Variants in ARHGAP29 observed in about 807,000 individuals in gnomAD.
ARHGAP29 encodes Rho GTPase activating protein 29, also known as rho GTPase-activating protein 29.
ARHGAP29 carries 43 observed loss-of-function variants against 122.6 expected under a neutral mutation model. The ratio of observed to expected loss-of-function variants is 0.35; its 90% CI spans 0.27 to 0.45. ARHGAP29 has a LOEUF of 0.45. Ranked by LOEUF, ARHGAP29 falls within the 20% of genes least tolerant of loss-of-function variation. ARHGAP29 has a pLI of 1.00. For missense variants in ARHGAP29, 1,303 were observed against 1,477.2 expected, an observed-to-expected ratio of 0.88 and a Z score of 1.93; for synonymous variants, 506 against 497.1, an observed-to-expected ratio of 1.02 and a Z score of -0.24.
At chr1:94,241,384 G>A (rs150359338), upstream of ARHGAP29, among the ~76,000 whole-genome samples, 1,387 of 152,222 alleles carry the variant, frequency 9.1e-3, 20 homozygotes, top group African/African-American at 0.031. Flanking sequence ...GGGAGGCCGA[G>A]GCGGGCGGAT....
At chr1:94,204,564 A>C (rs774081500) in intron 7 of ARHGAP29, among the ~76,000 whole-genome samples, 4 of 149,772 alleles carry the variant, frequency 2.7e-5, no homozygotes, top group African/African-American at 5.1e-5. Flanking sequence ...TGACCTTAAG[A>C]AATCTCCTGT....
At chr1:94,310,335 G>A in the ARHGAP29 span, among the ~76,000 whole-genome samples, 3 of 152,304 alleles carry the variant, frequency 2.0e-5, no homozygotes, top group East Asian at 1.9e-4. Flanking sequence ...TCTACGGCCC[G>A]GGAAGATGGG....
At chr1:94,238,988 G>A (rs1653465622), upstream of ARHGAP29, among the ~76,000 whole-genome samples, 1 of 152,160 alleles carries the variant, frequency 6.6e-6, no homozygotes, top group South Asian at 2.1e-4. Flanking sequence ...TCAGCTCCTT[G>A]GTTACTTTGG....
At chr1:94,180,035 G>A (rs1207346719) in intron 19 of ARHGAP29, 78 bp from the exon 20 acceptor site, 2 of 960,710 alleles carry the variant, frequency 2.1e-6, no homozygotes, top group African/African-American at 3.3e-5. Flanking sequence ...CAGTTACAGA[G>A]TGATTTAGCA....
At chr1:94,269,413 A>G (rs1654905268) in intron 1 of ARHGAP29, among the ~76,000 whole-genome samples, 2 of 152,218 alleles carry the variant, frequency 1.3e-5, no homozygotes, top group African/African-American at 4.8e-5. Flanking sequence ...GAACACAAGC[A>G]GTTAGGAGAT....
intron 5 of ARHGAP29, among the ~76,000 whole-genome samples, chr1:94,206,253 TTAAC>T (rs1187461419): frequency 6.6e-6 from 1 of 152,166 alleles, no homozygotes; most frequent in East Asian, 1.9e-4. Flanking sequence ...TTAATTTTAT[TTAAC>T]TATTATAATT....
At chr1:94,279,742 A>G (rs1179198934), upstream of ARHGAP29, among the ~76,000 whole-genome samples, 1 of 152,148 alleles carries the variant, frequency 6.6e-6, no homozygotes, top group African/African-American at 2.4e-5. Flanking sequence ...CTCTACACCC[A>G]TTCCCACTCC....
At chr1:94,255,662 G>A (rs1240497811) in intron 1 of ARHGAP29, among the ~76,000 whole-genome samples, 1 of 152,170 alleles carries the variant, frequency 6.6e-6, no homozygotes. Flanking sequence ...CCAGGATAAG[G>A]CATCACATCC....
In ARHGAP29 at chr1:94,179,807, G is replaced by A. The variant is rs1239187493; in HGVS notation, c.2398C>T (p.Leu800Phe). Residue 800 changes from leucine (L) to phenylalanine (F), a missense_variant, in exon 20 of 23, where the codon CTT (leucine) becomes TTT (phenylalanine). Transcript: ENST00000260526. ...PNMCIEINRI[L>F]LKSKDLLRQL... ...CTTAGAAGGTCTTTGCTTTTTAGAA[G>A]AATTCGGTTTATTTCTATACACATA... The A allele has an allele frequency of 6.2e-7, 1 of 1,613,484 alleles. No individual in the cohort carries two copies. The highest frequency in any genetic ancestry group is 8.5e-7 in the Non-Finnish European group (1 of 1,179,718).
chr1:94,231,130 A>G (rs1396542934), intron 2 of ARHGAP29, among the ~76,000 whole-genome samples: 2 of 152,018 alleles, frequency 1.3e-5, no homozygotes, highest in African/African-American at 2.4e-5. Flanking sequence ...AATGATGTCA[A>G]ATTTTCCTAC....
At chr1:94,273,772 C>T (rs551783551) in intron 1 of ARHGAP29, among the ~76,000 whole-genome samples, 2 of 150,550 alleles carry the variant, frequency 1.3e-5, no homozygotes, top group South Asian at 4.4e-4. Flanking sequence ...TTCTAAGAAA[C>T]TGACTAGTTT....
rs151129272 is a variant in ARHGAP29 at position 94,268,607 on chromosome 1, G to A, written c.-33+6405C>T. Among the ~76,000 whole-genome samples the A allele has an allele frequency of 7.9e-5, 12 of 152,274 alleles. No individual in the cohort carries two copies. In the East Asian group the frequency reaches 1.9e-3, roughly 24 times the overall value. On this transcript the variant is annotated intron_variant and NMD_transcript_variant, in intron 1 of 25. Coordinates refer to the ARHGAP29 transcript ENST00000552844. ...GAATAGTGCCAGGGACACAGTAAGA[G>A]TTCAGTAAGTACAATAAGTATTGGT... is the stretch of plus-strand genomic sequence containing the variant.
the ARHGAP29 span, among the ~76,000 whole-genome samples, chr1:94,311,371 C>T: frequency 6.6e-6 from 1 of 152,280 alleles, no homozygotes; most frequent in African/African-American, 2.4e-5. Context: ...CTCTCCCTCT[C>T]TCTCTCTTTC....
chr1:94,211,548 A>G (rs1388886147), intron 3 of ARHGAP29, among the ~76,000 whole-genome samples: 2 of 152,044 alleles, frequency 1.3e-5, no homozygotes, highest in Non-Finnish European at 2.9e-5. Context: ...AGCAAAACAC[A>G]TGTTCTTTTC....
the ARHGAP29 span, among the ~76,000 whole-genome samples, chr1:94,303,614 G>A: frequency 4.6e-5 from 7 of 152,246 alleles, no homozygotes; most frequent in African/African-American, 1.7e-4. Context: ...GTGACATAAG[G>A]GTTAAATGAG....
At chr1:94,213,417 C>T (rs1243756456) in intron 3 of ARHGAP29, among the ~76,000 whole-genome samples, 1 of 152,120 alleles carries the variant, frequency 6.6e-6, no homozygotes, top group African/African-American at 2.4e-5. Flanking sequence ...CTCCTGACCT[C>T]GTGATCTGCC....
intron 16 of ARHGAP29, 53 bp downstream of exon 16, chr1:94,186,446 A>G: frequency 8.2e-7 from 1 of 1,215,648 alleles, no homozygotes; most frequent in South Asian, 1.3e-5. Context: ...AATATCATGC[A>G]GTGCTACTGA....
At chr1:94,222,023 G>A (rs531222490) in intron 2 of ARHGAP29, among the ~76,000 whole-genome samples, 3 of 151,280 alleles carry the variant, frequency 2.0e-5, no homozygotes, top group Admixed American at 2.0e-4. Context: ...CCCCCAGTGA[G>A]GAGGGCATGT....
rs1432434047 is a variant in ARHGAP29 at position 94,184,242 on chromosome 1, C to T, written c.2156G>A (p.Cys719Tyr). The T allele has an allele frequency of 6.2e-7, 1 of 1,612,220 alleles. No individual in the cohort carries two copies. Among genetic ancestry groups the T allele is most frequent in the Non-Finnish European group, 8.5e-7 (1 of 1,179,336 alleles). ...GTGCATTCCATTTTCCAAAGCTTGA[C>T]ACAATTTTTCAGTTTTTATTTTGTT... Reference protein sequence around the residue: ...CGNKIKTEKLCQALENGMHLV... With the variant: ...CGNKIKTEKLYQALENGMHLV... Residue 719 changes from cysteine (C) to tyrosine (Y), a missense_variant, in exon 19 of 23, where the codon TGT becomes TAT. Physicochemically the swap from Cys to Tyr is radical, Grantham distance 194. This residue lies in a region of ARHGAP29 where 620 missense variants were observed against 651.2 expected (regional missense o/e 0.95). Transcript: ENST00000260526.
Sources: gnomAD v4.1 joint callset for allele counts (sites outside exome capture counted in the v4.1 genomes callset) on GRCh38, gnomAD v4.1.1 for gene constraint, gnomAD v4.1.1 regional missense constraint, MANE v1.5 for transcripts, NCBI Gene and HGNC (gene_info 2026-07-23, HGNC 2026-07-21) for gene names.